The following DPH6 variants were observed in gnomAD, a reference collection of about 807,000 sequenced individuals.
DPH6 encodes the protein diphthine--ammonia ligase.
In DPH6, 33 loss-of-function variants were observed where a neutral mutation model predicts 38.2. The observed-to-expected ratio is 0.86, with a 90% CI of 0.65 to 1.15. DPH6 has a LOEUF of 1.15. Among genes scored for constraint, DPH6 ranks in the 50% most tolerant of loss-of-function variants. DPH6 has a pLI of 0.00. For missense variants in DPH6, 325 were observed against 320.0 expected, an observed-to-expected ratio of 1.02 and a Z score of -0.12; for synonymous variants, 108 against 103.0, an observed-to-expected ratio of 1.05 and a Z score of -0.30.
intron 3 of DPH6, among the ~76,000 whole-genome samples, chr15:35,469,658 C>T (rs2054172269): frequency 6.6e-6 from 1 of 152,086 alleles, no homozygotes; most frequent in Non-Finnish European, 1.5e-5. Context: ...ATGTTGAGTG[C>T]CAATTGGACA....
Position 35,262,219 on chromosome 15 carries a change from G to C in DPH6, n.201-41637C>G, listed in dbSNP as rs16960734. ...TAAATTTATTACATGGTGGCCTCTA[G>C]AGCCCTTCCAGATTTCCCATTTAAA... is the stretch of plus-strand genomic sequence containing the variant. On this transcript the variant is annotated intron_variant and non_coding_transcript_variant, in intron 3 of 3. Transcript: ENST00000560386. Among the ~76,000 whole-genome samples, 3,994 of 152,080 alleles carry C rather than the reference G, an allele frequency of 0.026. 321 individuals carry two copies. In the East Asian group the frequency reaches 0.32, roughly 12 times the overall value.
At position 35,316,738 on chromosome 15, in the gene DPH6, A is replaced by T. The variant is rs368332577; in HGVS notation, n.200+56783T>A. Among the ~76,000 whole-genome samples the T allele has an allele frequency of 1.1e-4, 16 of 152,342 alleles. 1 individual carries two copies. Among genetic ancestry groups the T allele is most frequent in the Admixed American group, 7.2e-4 (11 of 15,298 alleles). ...TGAAGTGAAAGACATGCGGGCAAAG[A>T]AAACAGCACCTAGGTATAGCACAGT... is the stretch of plus-strand genomic sequence containing the variant. On this transcript the variant is annotated intron_variant and non_coding_transcript_variant, in intron 3 of 3. Coordinates refer to the DPH6 transcript ENST00000560386.
At chr15:35,414,569 C>A (rs1405604142) in intron 5 of DPH6, among the ~76,000 whole-genome samples, 1 of 151,800 alleles carries the variant, frequency 6.6e-6, no homozygotes, top group African/African-American at 2.4e-5. Flanking sequence ...GCTATTACAT[C>A]TGCTTTTCTG....
At chr15:35,165,382 T>C in the DPH6 span, among the ~76,000 whole-genome samples, 1 of 151,910 alleles carries the variant, frequency 6.6e-6, no homozygotes, top group African/African-American at 2.4e-5. Context: ...TAAAATTCAT[T>C]TTAAAGAAAT....
intron 3 of DPH6, among the ~76,000 whole-genome samples, chr15:35,223,930 A>C (rs1277448382): frequency 6.6e-6 from 1 of 151,842 alleles, no homozygotes; most frequent in Non-Finnish European, 1.5e-5. Flanking sequence ...TTCATCCCTC[A>C]TTCCCTCTTC....
the DPH6 span, among the ~76,000 whole-genome samples, chr15:35,165,343 G>C: frequency 6.6e-6 from 1 of 151,790 alleles, no homozygotes; most frequent in African/African-American, 2.4e-5. Flanking sequence ...CACTTTGGTG[G>C]AACACTCTTT....
At chr15:35,438,057 G>T (rs1489797215) in intron 5 of DPH6, among the ~76,000 whole-genome samples, 1 of 151,916 alleles carries the variant, frequency 6.6e-6, no homozygotes, top group South Asian at 2.1e-4. Flanking sequence ...GGATAATAAG[G>T]GATTTAAATG....
At chr15:35,254,743 C>T (rs1303731047) in intron 3 of DPH6, among the ~76,000 whole-genome samples, 1 of 152,034 alleles carries the variant, frequency 6.6e-6, no homozygotes, top group Non-Finnish European at 1.5e-5. Flanking sequence ...CACCTGGGTG[C>T]AGGTGGGCTG....
In DPH6 at chr15:35,387,838, G is replaced by A. The variant is rs567727446; in HGVS notation, c.568-5922C>T. ...TCCTAATTGAATGCCCTTTATTTCC[G>A]TCTCCTGCCTGATTGCCCTGGCCAG... On this transcript the variant is annotated intron_variant, in intron 6 of 8. Transcript: ENST00000256538. Among the ~76,000 whole-genome samples, 28 of 151,974 alleles carry A rather than the reference G, an allele frequency of 1.8e-4. No individual in the cohort carries two copies. In the South Asian group the frequency reaches 4.8e-3, roughly 26 times the overall value.
At chr15:35,473,937 TGTGTGTGTGTGTGTGTGTGTGC>T (rs1041674137) in intron 3 of DPH6, among the ~76,000 whole-genome samples, 22 of 92,508 alleles carry the variant, frequency 2.4e-4, no homozygotes, top group Non-Finnish European at 3.3e-4. Context: ...TGTGTGTGTG[TGTGTGTGTGTGTGTGTGTGTGC>T]GCGCGCGCGC....
chr15:35,212,405 TGCTCTGCA>T (rs2051393321), downstream of DPH6, among the ~76,000 whole-genome samples: 1 of 152,202 alleles, frequency 6.6e-6, no homozygotes, highest in Non-Finnish European at 1.5e-5. Flanking sequence ...TATGGGTCTA[TGCTCTGCA>T]GCAAAAGAAA....
intron 3 of DPH6, among the ~76,000 whole-genome samples, chr15:35,285,803 G>A (rs540166365): frequency 7.1e-6 from 1 of 141,284 alleles, no homozygotes; most frequent in South Asian, 2.3e-4. Flanking sequence ...GAAATATCTA[G>A]ACTAGATTTC....
At chr15:35,167,945 C>T in the DPH6 span, among the ~76,000 whole-genome samples, 2 of 151,968 alleles carry the variant, frequency 1.3e-5, no homozygotes, top group Non-Finnish European at 2.9e-5. Context: ...AAGTTCATGC[C>T]TGAATGAGTG....
the DPH6 span, among the ~76,000 whole-genome samples, chr15:35,171,267 G>C: frequency 6.6e-6 from 1 of 152,178 alleles, no homozygotes; most frequent in Non-Finnish European, 1.5e-5. Flanking sequence ...GGGAAGACTA[G>C]GAATTACCAC....
intron 5 of DPH6, among the ~76,000 whole-genome samples, chr15:35,415,213 C>T (rs2053420840): frequency 1.3e-5 from 2 of 151,976 alleles, no homozygotes; most frequent in Admixed American, 1.3e-4. Context: ...ACAAGGTCAG[C>T]ATGGCTGGAA....
At chr15:35,322,862 T>C (rs1450675234) in intron 3 of DPH6, among the ~76,000 whole-genome samples, 6 of 152,118 alleles carry the variant, frequency 3.9e-5, no homozygotes, top group Non-Finnish European at 7.4e-5. Flanking sequence ...AACTACTTGA[T>C]CATCAGCTTG....
Position 35,538,423 on chromosome 15 carries a change from G to GC in DPH6, c.162dup (p.His55AlafsTer5), listed in dbSNP as rs1360373634. ...TCTGCATACAAGTCAATGGCATGGT[G>GC]CCCCACTGTCTGATACATGTAGCTA... On this transcript the variant is annotated frameshift_variant, in exon 3 of 9. Coordinates refer to ENST00000256538, the MANE Select transcript of DPH6 (RefSeq NM_080650.4). LOFTEE classifies it high-confidence loss of function. 2 of 1,600,078 alleles carry GC rather than the reference G, an allele frequency of 1.2e-6. No homozygotes were observed. Among genetic ancestry groups the GC allele is most frequent in the South Asian group, 2.2e-5 (2 of 89,444 alleles).
chr15:35,351,566 T>C (rs995813852), intron 3 of DPH6, among the ~76,000 whole-genome samples: 1 of 152,194 alleles, frequency 6.6e-6, no homozygotes, highest in Admixed American at 6.5e-5. Context: ...GTATCCACTT[T>C]ACATTATTTT....
At chr15:35,404,284 GT>G (rs1034515484) in intron 6 of DPH6, among the ~76,000 whole-genome samples, 108 of 152,110 alleles carry the variant, frequency 7.1e-4, no homozygotes, top group African/African-American at 2.5e-3. Flanking sequence ...CTATTTTTTA[GT>G]TTTTTGAGGA....
Sources: gnomAD v4.1 joint callset for allele counts (sites outside exome capture counted in the v4.1 genomes callset) on GRCh38, gnomAD v4.1.1 for gene constraint, MANE v1.5 for transcripts, NCBI Gene and HGNC (gene_info 2026-07-23, HGNC 2026-07-21) for gene names.